The following FKBP3 variants were observed in gnomAD, a reference collection of about 807,000 sequenced individuals.
FKBP3 encodes the protein peptidyl-prolyl cis-trans isomerase FKBP3.
In FKBP3, 21 loss-of-function variants were observed where a neutral mutation model predicts 30.6. The observed-to-expected ratio is 0.69, with a 90% CI of 0.49 to 0.99. The LOEUF (loss-of-function observed/expected upper bound fraction) is 0.99. Among genes scored for constraint, FKBP3 ranks in the 50% least tolerant of loss-of-function variants. FKBP3 has a pLI of 0.00. For missense variants in FKBP3, 283 were observed against 261.6 expected, an observed-to-expected ratio of 1.08 and a Z score of -0.56; for synonymous variants, 82 against 91.3, an observed-to-expected ratio of 0.90 and a Z score of 0.58.
rs1246313340 is a variant in FKBP3 at position 45,115,992 on chromosome 14, CT to C, written c.*205del. 7.5e-6 allele frequency: 4 copies of C among 534,398 alleles called. No homozygotes were observed. The African/African-American group carries it at 7.6e-5, about 10-fold the overall frequency. The allele number at this position is 534,398 out of a possible 1,614,324, so 33.1% of individuals were successfully genotyped here. ...TCTCCTTGACCAGTATTTTACACAG[CT>C]GTAGGAAAGTATTTTAGACCAGGGA... On this transcript the variant is annotated 3_prime_UTR_variant, in exon 7 of 7. Coordinates refer to ENST00000396062, the MANE Select transcript of FKBP3 (RefSeq NM_002013.4).
chr14:45,120,916 T>C lies in FKBP3; in HGVS notation c.493A>G (p.Lys165Glu). 6.2e-7 allele frequency: 1 copy of C among 1,613,406 alleles called. No homozygotes were observed. Residue 165 changes from lysine to glutamate, a missense_variant, in exon 5 of 7, where the codon AAG becomes GAG. Coordinates refer to ENST00000396062, the MANE Select transcript of FKBP3 (RefSeq NM_002013.4). ...CTGATAACTTTGCCTACTCCGACCT[T>C]AAAACTTAAAGGCTTGGCATTTTTC... ...KKKNAKPLSF[K>E]VGVGKVIRGW...
intron 3 of FKBP3, among the ~76,000 whole-genome samples, chr14:45,127,919 A>G (rs1351275623): frequency 1.3e-5 from 2 of 152,220 alleles, no homozygotes; most frequent in Non-Finnish European, 2.9e-5. Flanking sequence ...TGAGAGCATT[A>G]GTCCTGAAGG....
intron 5 of FKBP3, among the ~76,000 whole-genome samples, chr14:45,118,830 A>G (rs890550657): frequency 5.3e-5 from 8 of 152,128 alleles, no homozygotes; most frequent in Admixed American, 1.3e-4. Context: ...GTAATAGTGG[A>G]GTCACGTTGG....
chr14:45,117,845 A>T (rs1013274842), intron 6 of FKBP3, among the ~76,000 whole-genome samples, 183 bp downstream of exon 6: 1 of 152,228 alleles, frequency 6.6e-6, no homozygotes, highest in Non-Finnish European at 1.5e-5. Context: ...TGAACTTTAT[A>T]TCAATAGAAA....
At chr14:45,129,410 C>A (rs1270927164) in intron 3 of FKBP3, among the ~76,000 whole-genome samples, 2 of 152,178 alleles carry the variant, frequency 1.3e-5, no homozygotes, top group African/African-American at 4.8e-5. Flanking sequence ...TGGATTATTT[C>A]TATTGCCAGG....
intron 5 of FKBP3, among the ~76,000 whole-genome samples, chr14:45,120,240 G>C (rs1259000937): frequency 1.3e-5 from 2 of 152,190 alleles, no homozygotes; most frequent in Non-Finnish European, 2.9e-5. Context: ...ATTCATAGAA[G>C]GTGACAGTCT....
chr14:45,131,851 G>A (rs920431595), intron 1 of FKBP3, among the ~76,000 whole-genome samples: 5 of 152,274 alleles, frequency 3.3e-5, no homozygotes, highest in Admixed American at 3.3e-4. Context: ...GATTAATACT[G>A]TATTTAATAA....
chr14:45,126,505 AAAG>A (rs1233788360), intron 3 of FKBP3, among the ~76,000 whole-genome samples: 6 of 151,980 alleles, frequency 3.9e-5, no homozygotes, highest in Non-Finnish European at 8.8e-5. Flanking sequence ...AAAGAAAAAA[AAAG>A]AATACGTCTA....
At chr14:45,116,469 G>GGA (rs1033925854) in intron 6 of FKBP3, among the ~76,000 whole-genome samples, 14 of 151,752 alleles carry the variant, frequency 9.2e-5, no homozygotes, top group African/African-American at 2.7e-4. Context: ...TCTAGCTGGG[G>GGA]GGGGGTGGAA....
At chr14:45,133,398 C>G (rs903703082) in intron 1 of FKBP3, 5 of 243,154 alleles carry the variant, frequency 2.1e-5, no homozygotes, top group Non-Finnish European at 3.6e-5. Flanking sequence ...ACCCGGGAGG[C>G]GGAGGTTGCA....
At position 45,134,452 on chromosome 14, in the gene FKBP3, G is replaced by A. The variant is rs1241744799; in HGVS notation, c.5C>T (p.Ala2Val). The change falls in exon 1 of 7, where the codon GCG becomes GTG. Residue 2 changes from alanine (A) to valine (V), a missense_variant. Physicochemically the swap from Ala to Val is moderately conservative, Grantham distance 64 (BLOSUM62 0). Coordinates refer to ENST00000396062, the MANE Select transcript of FKBP3 (RefSeq NM_002013.4). M[A>V]AAVPQRAWTV... Reference sequence around the variant, plus strand: ...CCACGCCCGCTGTGGAACGGCCGCCGCCATCTTCCCCCGCTGCCTCCGCTT... The same window carrying A: ...CCACGCCCGCTGTGGAACGGCCGCCACCATCTTCCCCCGCTGCCTCCGCTT... 1.9e-6 allele frequency: 3 copies of A among 1,607,324 alleles called. No individual in the cohort carries two copies. Among genetic ancestry groups the A allele is most frequent in the Non-Finnish European group, 2.5e-6 (3 of 1,176,546 alleles).
At chr14:45,126,043 C>T (rs1353650195) in intron 3 of FKBP3, among the ~76,000 whole-genome samples, 2 of 152,060 alleles carry the variant, frequency 1.3e-5, no homozygotes, top group African/African-American at 4.8e-5. Context: ...GGACTACAGG[C>T]ACACACCACC....
At chr14:45,117,372 A>AAACTT (rs1884871062) in intron 6 of FKBP3, among the ~76,000 whole-genome samples, 3 of 152,228 alleles carry the variant, frequency 2.0e-5, no homozygotes, top group Admixed American at 6.5e-5. Context: ...TTGTTTTTTC[A>AAACTT]AACTTAATCT....
chr14:45,116,889 G>C (rs965570659), intron 6 of FKBP3, among the ~76,000 whole-genome samples: 1 of 151,954 alleles, frequency 6.6e-6, no homozygotes, highest in Non-Finnish European at 1.5e-5. Flanking sequence ...GCTAACTTAA[G>C]AGTTATATAA....
At chr14:45,133,303 T>TA in intron 1 of FKBP3, 2 of 290,274 alleles carry the variant, frequency 6.9e-6, no homozygotes, top group South Asian at 5.0e-5. Flanking sequence ...CCGTCTCTAT[T>TA]AAAAATACAA....
chr14:45,123,929 T>A (rs776201828), intron 3 of FKBP3, among the ~76,000 whole-genome samples: 3 of 151,992 alleles, frequency 2.0e-5, no homozygotes, highest in Non-Finnish European at 4.4e-5. Flanking sequence ...CCTCATTCTT[T>A]TAAAAGGCCC....
chr14:45,132,664 T>C (rs1426137189), intron 1 of FKBP3, among the ~76,000 whole-genome samples: 1 of 152,100 alleles, frequency 6.6e-6, no homozygotes, highest in Non-Finnish European at 1.5e-5. Flanking sequence ...CTCGATCTCC[T>C]GACCTCGTGA....
chr14:45,117,654 T>C lies in FKBP3; in HGVS notation c.620+374A>G, dbSNP rs184209334. Among the ~76,000 whole-genome samples, 31 of 152,354 alleles carry C rather than the reference T, an allele frequency of 2.0e-4. No individual in the cohort carries two copies. The East Asian group carries it at 5.0e-3, about 25-fold the overall frequency. ...TGAATTTAATTGCCTGAAATTATAC[T>C]GTACCATAAAATTACCATGAGCCAT... On this transcript the variant is annotated intron_variant, in intron 6 of 6. Transcript: ENST00000396062.
chr14:45,124,011 T>C (rs1312276323), intron 3 of FKBP3, among the ~76,000 whole-genome samples: 1 of 152,118 alleles, frequency 6.6e-6, no homozygotes, highest in Non-Finnish European at 1.5e-5. Context: ...TAAAATCTGT[T>C]TTCACCACTT....
Sources: allele counts gnomAD v4.1 joint callset (sites outside exome capture counted in the v4.1 genomes callset), GRCh38; gene constraint gnomAD v4.1.1; transcripts MANE v1.5; gene names NCBI Gene and HGNC (gene_info 2026-07-23, HGNC 2026-07-21).